Variants in UBASH3B observed in about 807,000 individuals in gnomAD.
UBASH3B encodes the protein ubiquitin-associated and SH3 domain-containing protein B.
UBASH3B carries 37 observed loss-of-function variants against 83.4 expected under a neutral mutation model. The ratio of observed to expected loss-of-function variants is 0.44; its 90% CI spans 0.34 to 0.58. The LOEUF (loss-of-function observed/expected upper bound fraction) is 0.58, where lower values mean the gene tolerates loss of function less well. Ranked by LOEUF, UBASH3B falls within the 20% of genes least tolerant of loss-of-function variation. The probability of loss-of-function intolerance (pLI) is 0.01; values close to 1 mark genes in which losing one functional copy is unlikely to be tolerated. For synonymous variants in UBASH3B, 304 were observed against 318.3 expected (o/e 0.96, Z 0.48); for missense variants, 657 against 827.2 (o/e 0.79, Z 2.52).
At chr11:122,754,238 T>C (rs1205738276) in intron 1 of UBASH3B, among the ~76,000 whole-genome samples, 1 of 152,240 alleles carries the variant, frequency 6.6e-6, no homozygotes, top group East Asian at 1.9e-4. Flanking sequence ...GAGCCTGCCT[T>C]TCTGGCTTAT....
chr11:122,684,819 A>G (rs991532805), intron 1 of UBASH3B, among the ~76,000 whole-genome samples: 1 of 152,160 alleles, frequency 6.6e-6, no homozygotes, highest in Non-Finnish European at 1.5e-5. Context: ...GCTGGTCTCG[A>G]ACTCCTGACC....
chr11:122,793,323 C>A (rs981856602), intron 6 of UBASH3B, among the ~76,000 whole-genome samples: 2 of 152,186 alleles, frequency 1.3e-5, no homozygotes, highest in Non-Finnish European at 2.9e-5. Flanking sequence ...GTGGAGGTTG[C>A]AGTGAGCCCA....
chr11:122,789,995 A>G (rs1289108854), intron 6 of UBASH3B, among the ~76,000 whole-genome samples: 2 of 152,190 alleles, frequency 1.3e-5, no homozygotes, highest in Non-Finnish European at 2.9e-5. Context: ...AATAGAAACA[A>G]AAGCCATCTT....
chr11:122,712,704 T>C (rs1864212164), intron 1 of UBASH3B, among the ~76,000 whole-genome samples: 1 of 151,982 alleles, frequency 6.6e-6, no homozygotes, highest in South Asian at 2.1e-4. Flanking sequence ...CCTGTGGTGT[T>C]GCACAAACAA....
intron 1 of UBASH3B, among the ~76,000 whole-genome samples, chr11:122,672,217 C>G (rs534581730): frequency 6.6e-6 from 1 of 151,932 alleles, no homozygotes; most frequent in East Asian, 1.9e-4. Context: ...AGAAGACAGA[C>G]CCAAGCAGAT....
At chr11:122,798,861 G>A in intron 9 of UBASH3B, 81 bp from the exon 10 acceptor site, 1 of 1,107,306 alleles carries the variant, frequency 9.0e-7, no homozygotes, top group Non-Finnish European at 1.4e-6. Flanking sequence ...GGAGCTTACT[G>A]CTTGGCCCCC....
chr11:122,785,500 C>A (rs1860931652), intron 5 of UBASH3B, among the ~76,000 whole-genome samples: 1 of 152,200 alleles, frequency 6.6e-6, no homozygotes, highest in Non-Finnish European at 1.5e-5. Context: ...CATTCCTCTG[C>A]TATTTAGATT....
chr11:122,798,436 G>C (rs1299107477), intron 9 of UBASH3B, among the ~76,000 whole-genome samples: 1 of 152,146 alleles, frequency 6.6e-6, no homozygotes, highest in African/African-American at 2.4e-5. Context: ...GAAGGGGCCA[G>C]GTGTGGTGGC....
At chr11:122,746,020 C>A (rs1445670107) in intron 1 of UBASH3B, among the ~76,000 whole-genome samples, 2 of 152,160 alleles carry the variant, frequency 1.3e-5, no homozygotes, top group Non-Finnish European at 2.9e-5. Context: ...GGGACCTCGT[C>A]CTTCTTAGAT....
chr11:122,697,536 AAATAGAGTTCCAGAG>A (rs1863978876), intron 1 of UBASH3B, among the ~76,000 whole-genome samples: 1 of 152,254 alleles, frequency 6.6e-6, no homozygotes, highest in South Asian at 2.1e-4. Context: ...GTACTGAAGC[AAATAGAGTTCCAGAG>A]ATTTCTAGTG....
intron 1 of UBASH3B, among the ~76,000 whole-genome samples, chr11:122,676,126 G>A (rs1252113029): frequency 6.6e-6 from 1 of 152,180 alleles, no homozygotes; most frequent in Non-Finnish European, 1.5e-5. Context: ...TTTTGGCTGG[G>A]TGTGGTGGCT....
In UBASH3B at chr11:122,812,969, G is replaced by A. The variant is rs1171636040; in HGVS notation, c.*3083G>A. ...TGAATGGCTGATTAAATGGCCATCTGATGGCTGAAAGAGGGGCGTATTTTT... is the reference window on the plus strand; with the variant it reads ...TGAATGGCTGATTAAATGGCCATCTAATGGCTGAAAGAGGGGCGTATTTTT... On this transcript the variant is annotated 3_prime_UTR_variant, in exon 14 of 14. Coordinates refer to ENST00000284273, the MANE Select transcript of UBASH3B (RefSeq NM_032873.5). 1 of 152,628 alleles carries A rather than the reference G, an allele frequency of 6.6e-6. No homozygotes were observed. Among genetic ancestry groups the A allele is most frequent in the Non-Finnish European group, 1.5e-5 (1 of 68,042 alleles). 9.5% of individuals were successfully genotyped at this position (152,628 alleles called of 1,614,324 possible).
intron 1 of UBASH3B, among the ~76,000 whole-genome samples, chr11:122,725,342 A>AAAAAAAAAAAAAAAAG (rs71281633): frequency 1.4e-3 from 186 of 130,758 alleles, no homozygotes; most frequent in Non-Finnish European, 1.8e-3. Context: ...AAAAAAAAAA[A>AAAAAAAAAAAAAAAAG]AAGAAAAGAA....
intron 1 of UBASH3B, among the ~76,000 whole-genome samples, chr11:122,695,027 G>A (rs1415494278): frequency 2.5e-5 from 3 of 117,852 alleles, no homozygotes; most frequent in East Asian, 2.9e-4. Context: ...GCAGTGGCAC[G>A]ATTTCAGCTC....
chr11:122,663,008 G>A (rs1249694936), intron 1 of UBASH3B, among the ~76,000 whole-genome samples: 6 of 124,318 alleles, frequency 4.8e-5, no homozygotes, highest in African/African-American at 1.9e-4. Context: ...ATGGAGTCTC[G>A]CTCTGTTTCC....
chr11:122,684,388 A>G (rs991193466), intron 1 of UBASH3B, among the ~76,000 whole-genome samples: 1 of 152,164 alleles, frequency 6.6e-6, no homozygotes, highest in African/African-American at 2.4e-5. Flanking sequence ...AAAGTTAGGA[A>G]TGGTGGTATA....
At chr11:122,658,804 G>A (rs2135887561) in intron 1 of UBASH3B, among the ~76,000 whole-genome samples, 1 of 152,364 alleles carries the variant, frequency 6.6e-6, no homozygotes, top group Admixed American at 6.5e-5. Context: ...GTTAGTTACT[G>A]TATTAGCTTC....
chr11:122,673,925 G>A (rs1213868703), intron 1 of UBASH3B, among the ~76,000 whole-genome samples: 1 of 152,098 alleles, frequency 6.6e-6, no homozygotes, highest in Admixed American at 6.6e-5. Context: ...TCTTTTTAGA[G>A]CTGCATATCT....
intron 1 of UBASH3B, among the ~76,000 whole-genome samples, chr11:122,666,397 G>GT (rs58993938): frequency 2.3e-4 from 34 of 149,582 alleles, no homozygotes; most frequent in Admixed American, 6.0e-4. Flanking sequence ...TTTCGTTTTT[G>GT]TTTTTTTTTT....
Sources: gnomAD v4.1 joint callset for allele counts (sites outside exome capture counted in the v4.1 genomes callset) on GRCh38, gnomAD v4.1.1 for gene constraint, MANE v1.5 for transcripts, NCBI Gene and HGNC (gene_info 2026-07-23, HGNC 2026-07-21) for gene names.